SYT16: variants seen among roughly 807,000 people sequenced by gnomAD.
SYT16 encodes synaptotagmin 16.
Under a neutral mutation model 61.4 loss-of-function variants are expected in SYT16, and 42 were observed. That is an observed-to-expected ratio of 0.68 (90% CI 0.53 to 0.89). SYT16 has a LOEUF of 0.89. SYT16 is among the 40% of genes least tolerant of loss of function. The pLI, the probability that SYT16 is intolerant of heterozygous loss-of-function variation, is 0.00. For missense variants in SYT16, 804 were observed against 807.3 expected (o/e 1.00, Z 0.05); for synonymous variants, 314 against 302.3 (o/e 1.04, Z -0.40).
At chr14:61,881,431 G>A (rs1333848349) in intron 1 of SYT16, among the ~76,000 whole-genome samples, 1 of 152,202 alleles carries the variant, frequency 6.6e-6, no homozygotes, top group African/African-American at 2.4e-5. Flanking sequence ...GGCAGCTCTT[G>A]TCATGATACC....
At chr14:61,845,521 T>C (rs571203372) in intron 1 of SYT16, among the ~76,000 whole-genome samples, 7 of 152,362 alleles carry the variant, frequency 4.6e-5, no homozygotes, top group Admixed American at 2.0e-4. Flanking sequence ...CCTTTGAATT[T>C]CTGCAGTATC....
At chr14:61,913,704 T>TTGTGTGTGTG (rs56758661) in intron 1 of SYT16, among the ~76,000 whole-genome samples, 32,384 of 145,708 alleles carry the variant, frequency 0.22, 3,890 homozygotes, top group East Asian at 0.42. Flanking sequence ...CTTTGGGTCT[T>TTGTGTGTGTG]TGTGTGTGTG....
At chr14:61,815,842 G>A (rs76515659) in intron 1 of SYT16, among the ~76,000 whole-genome samples, 1,845 of 152,194 alleles carry the variant, frequency 0.012, 33 homozygotes, top group African/African-American at 0.041. Flanking sequence ...GTAGTGAAGC[G>A]CTATTTTATT....
intron 1 of SYT16, among the ~76,000 whole-genome samples, chr14:61,909,364 G>A (rs1016016041): frequency 6.6e-6 from 1 of 152,136 alleles, no homozygotes; most frequent in Non-Finnish European, 1.5e-5. Context: ...TTCTATAGTC[G>A]AGTCTGAAAT....
At chr14:62,055,059 A>G (rs1350579425) in intron 3 of SYT16, among the ~76,000 whole-genome samples, 2 of 152,228 alleles carry the variant, frequency 1.3e-5, no homozygotes, top group East Asian at 3.9e-4. Flanking sequence ...GCTTGTAAGG[A>G]TTCATTGGAG....
At chr14:61,839,853 G>T (rs1224659619) in intron 1 of SYT16, among the ~76,000 whole-genome samples, 2 of 148,626 alleles carry the variant, frequency 1.3e-5, no homozygotes, top group African/African-American at 2.5e-5. Flanking sequence ...TTCTTGTGAT[G>T]AAGAATGTCA....
chr14:61,878,427 G>A (rs1285499753), intron 1 of SYT16, among the ~76,000 whole-genome samples: 2 of 152,102 alleles, frequency 1.3e-5, no homozygotes, highest in East Asian at 3.9e-4. Context: ...AACACTGTGG[G>A]GCAGCTTTAA....
At position 61,820,111 on chromosome 14, in the gene SYT16, G is replaced by A. The variant is rs560689478; in HGVS notation, c.-325+7301G>A. ...TGATCTGTGTACAAATGTAAGACTA[G>A]GGAAGAGAATCTAGGACAAGCACCC... On this transcript the variant is annotated intron_variant, in intron 1 of 7. Coordinates refer to ENST00000683842, the MANE Select transcript of SYT16 (RefSeq NM_001367656.1). Among the ~76,000 whole-genome samples, 27 of 152,332 alleles carry A rather than the reference G, an allele frequency of 1.8e-4. No individual in the cohort carries two copies. In the East Asian group the frequency reaches 3.1e-3, roughly 17 times the overall value.
chr14:61,946,592 A>G (rs2050447990), intron 1 of SYT16, among the ~76,000 whole-genome samples: 1 of 152,196 alleles, frequency 6.6e-6, no homozygotes, highest in Non-Finnish European at 1.5e-5. Flanking sequence ...TTTTCTGTTA[A>G]TGGGTCCCAC....
chr14:61,886,069 A>T (rs1384125036), intron 1 of SYT16, among the ~76,000 whole-genome samples: 1 of 149,934 alleles, frequency 6.7e-6, no homozygotes, highest in Non-Finnish European at 1.5e-5. Flanking sequence ...GGTTCATGCC[A>T]TTCTCCTGCC....
chr14:62,093,453 C>T (rs1473927534), intron 7 of SYT16, among the ~76,000 whole-genome samples: 3 of 151,942 alleles, frequency 2.0e-5, no homozygotes, highest in Non-Finnish European at 4.4e-5. Flanking sequence ...AGGTCTCTCT[C>T]TTTTTCCCAG....
At chr14:61,870,883 A>G (rs935361804) in intron 1 of SYT16, among the ~76,000 whole-genome samples, 2 of 152,114 alleles carry the variant, frequency 1.3e-5, no homozygotes, top group Admixed American at 6.5e-5. Flanking sequence ...TAATAATTCT[A>G]TAATCTCTGT....
chr14:61,859,794 C>CTATATTATATG (rs2046910734), intron 1 of SYT16, among the ~76,000 whole-genome samples: 1 of 152,008 alleles, frequency 6.6e-6, no homozygotes, highest in South Asian at 2.1e-4. Flanking sequence ...ACTTGGGGCT[C>CTATATTATATG]CAAGCGAACT....
At position 62,105,708 on chromosome 14, in the gene SYT16, A is replaced by G. The variant is rs1464466016; in HGVS notation, c.*5001A>G. ...TTTAGAAGAATCTTTGTTGACATTT[A>G]ATCTAGAGAAGTCTTCAGGAGCAAA... On this transcript the variant is annotated 3_prime_UTR_variant, in exon 8 of 8. Coordinates refer to ENST00000683842, the MANE Select transcript of SYT16 (RefSeq NM_001367656.1). 1 of 152,240 alleles carries G rather than the reference A, an allele frequency of 6.6e-6. No homozygotes were observed. The highest frequency in any genetic ancestry group is 1.9e-4 in the East Asian group (1 of 5,202). The allele number at this position is 152,240 out of a possible 1,614,324, so 9.4% of individuals were successfully genotyped here. A position where few individuals can be genotyped will look rare whatever the true frequency, so the allele number is the denominator to read the frequency against.
chr14:61,951,493 G>T (rs2140476693), intron 1 of SYT16, among the ~76,000 whole-genome samples: 1 of 152,224 alleles, frequency 6.6e-6, no homozygotes, highest in Non-Finnish European at 1.5e-5. Flanking sequence ...GAAAAATAAA[G>T]TTACAAACAA....
chr14:62,112,692 T>TATA (rs1236860905), downstream of SYT16: 3 of 152,162 alleles, frequency 2.0e-5, no homozygotes, highest in African/African-American at 7.2e-5. Context: ...ACTGCAGACA[T>TATA]ATATTTTAGA....
At chr14:61,964,194 C>T (rs912530168) in intron 1 of SYT16, among the ~76,000 whole-genome samples, 1 of 152,104 alleles carries the variant, frequency 6.6e-6, no homozygotes, top group Non-Finnish European at 1.5e-5. Context: ...ATATGTTTTG[C>T]AAGGCTATAA....
intron 7 of SYT16, 38 bp from the exon 8 acceptor site, chr14:62,100,356 C>A: frequency 1.3e-6 from 2 of 1,506,526 alleles, no homozygotes; most frequent in Non-Finnish European, 1.8e-6. Context: ...ACTAATGTTT[C>A]TTATCATCCC....
At chr14:61,871,105 T>C (rs1244563437) in intron 1 of SYT16, among the ~76,000 whole-genome samples, 1 of 152,230 alleles carries the variant, frequency 6.6e-6, no homozygotes, top group Non-Finnish European at 1.5e-5. Flanking sequence ...TGAAACTTGC[T>C]TTTAAACCTT....
Sources: allele counts gnomAD v4.1 joint callset (sites outside exome capture counted in the v4.1 genomes callset), GRCh38; gene constraint gnomAD v4.1.1; transcripts MANE v1.5; gene names NCBI Gene and HGNC (gene_info 2026-07-23, HGNC 2026-07-21).